CDIN1: variants seen among roughly 807,000 people sequenced by gnomAD.
CDIN1 encodes the protein CDAN1 interacting nuclease 1, also known as CDAN1-interacting nuclease 1.
A neutral mutation model predicts 45.3 loss-of-function variants in CDIN1; 33 were observed. That is an observed-to-expected ratio of 0.73 (90% CI 0.55 to 0.97). CDIN1 has a LOEUF of 0.97. Among genes scored for constraint, CDIN1 ranks in the 50% least tolerant of loss-of-function variants. The pLI, the probability that CDIN1 is intolerant of heterozygous loss-of-function variation, is 0.00. For missense variants in CDIN1, 303 were observed against 339.4 expected (o/e 0.89, Z 0.84); for synonymous variants, 118 against 124.4 (o/e 0.95, Z 0.34).
intron 10 of CDIN1, among the ~76,000 whole-genome samples, chr15:36,774,503 A>T (rs1336154015): frequency 6.6e-6 from 1 of 152,168 alleles, no homozygotes; most frequent in Non-Finnish European, 1.5e-5. Context: ...AAAAAAAAAA[A>T]AGTTTTTCTC....
intron 1 of CDIN1, among the ~76,000 whole-genome samples, chr15:36,598,244 C>T (rs368290101): frequency 8.5e-5 from 13 of 152,186 alleles, no homozygotes; most frequent in South Asian, 2.1e-4. Context: ...CACCCACCTC[C>T]GCCTCCCAAA....
chr15:36,745,567 T>C (rs1196332337), intron 10 of CDIN1, among the ~76,000 whole-genome samples: 4 of 152,216 alleles, frequency 2.6e-5, no homozygotes, highest in African/African-American at 7.2e-5. Context: ...ATTATTGATA[T>C]TGATTTTAGG....
intron 10 of CDIN1, among the ~76,000 whole-genome samples, chr15:36,716,345 C>T (rs943875421): frequency 6.6e-6 from 1 of 151,960 alleles, no homozygotes; most frequent in Non-Finnish European, 1.5e-5. Context: ...ATTGAGTGGC[C>T]GTTCTAGGAA....
chr15:36,775,853 T>C (rs946576077), intron 10 of CDIN1, among the ~76,000 whole-genome samples: 1 of 152,258 alleles, frequency 6.6e-6, no homozygotes, highest in Non-Finnish European at 1.5e-5. Flanking sequence ...AGAATTTTTC[T>C]TTGGTTTCTA....
intron 5 of CDIN1, among the ~76,000 whole-genome samples, chr15:36,659,595 C>T (rs998292028): frequency 4.7e-5 from 7 of 149,872 alleles, no homozygotes; most frequent in African/African-American, 1.7e-4. Flanking sequence ...ATGGTTGTTT[C>T]ACTGTGAGTT....
intron 1 of CDIN1, among the ~76,000 whole-genome samples, chr15:36,608,682 T>TACAGA (rs1234909901): frequency 3.3e-5 from 5 of 152,124 alleles, no homozygotes; most frequent in African/African-American, 1.2e-4. Context: ...AGAAGGAAGG[T>TACAGA]ACAGAAGATA....
chr15:36,604,418 T>TACACACACACACAC (rs144533313), intron 1 of CDIN1, among the ~76,000 whole-genome samples: 18,845 of 128,464 alleles, frequency 0.15, 1,766 homozygotes, highest in South Asian at 0.22. Context: ...TTTTAAAAGG[T>TACACACACACACAC]ACACACACAC....
At chr15:36,783,680 G>C (rs903718197) in intron 10 of CDIN1, among the ~76,000 whole-genome samples, 2 of 152,128 alleles carry the variant, frequency 1.3e-5, no homozygotes, top group Non-Finnish European at 2.9e-5. Flanking sequence ...CACGGGAAAC[G>C]TAAGTTGGAA....
chr15:36,759,233 T>G (rs2140992668), intron 10 of CDIN1, among the ~76,000 whole-genome samples: 1 of 152,176 alleles, frequency 6.6e-6, no homozygotes, highest in East Asian at 1.9e-4. Context: ...CGCCTCTTCT[T>G]GTCTGTGCTC....
chr15:36,660,133 G>A (rs1438787227), intron 5 of CDIN1, among the ~76,000 whole-genome samples: 2 of 151,936 alleles, frequency 1.3e-5, no homozygotes, highest in Non-Finnish European at 2.9e-5. Context: ...TTAGAGTTTT[G>A]TAATGTGTTT....
At chr15:36,594,051 T>G (rs1414831835) in intron 1 of CDIN1, among the ~76,000 whole-genome samples, 1 of 152,170 alleles carries the variant, frequency 6.6e-6, no homozygotes, top group Non-Finnish European at 1.5e-5. Flanking sequence ...TTCTTTTAAT[T>G]TATCTTATTT....
At chr15:36,710,004 C>G (rs752423374) in intron 10 of CDIN1, 43 bp downstream of exon 10, 1 of 1,399,500 alleles carries the variant, frequency 7.1e-7, no homozygotes, top group Non-Finnish European at 9.8e-7. Context: ...CGATACTCAG[C>G]TGAAATCTCA....
At chr15:36,651,717 C>G (rs977842059) in intron 3 of CDIN1, among the ~76,000 whole-genome samples, 2 of 152,076 alleles carry the variant, frequency 1.3e-5, no homozygotes, top group African/African-American at 2.4e-5. Context: ...TGTTTACCAG[C>G]TAAGAGAGCC....
intron 1 of CDIN1, among the ~76,000 whole-genome samples, chr15:36,636,465 T>C (rs2039901660): frequency 6.6e-6 from 1 of 152,062 alleles, no homozygotes; most frequent in South Asian, 2.1e-4. Flanking sequence ...GGCAGGAGAA[T>C]GTCATGAACC....
At chr15:36,696,083 G>A in intron 7 of CDIN1, among the ~76,000 whole-genome samples, 1 of 152,066 alleles carries the variant, frequency 6.6e-6, no homozygotes, top group East Asian at 1.9e-4. Context: ...GCCCTGTGCA[G>A]GTTCCTTCTA....
intron 1 of CDIN1, among the ~76,000 whole-genome samples, chr15:36,636,216 T>C (rs1385489316): frequency 6.6e-6 from 1 of 152,168 alleles, no homozygotes; most frequent in African/African-American, 2.4e-5. Context: ...AATTTGACTG[T>C]TACCTGACAT....
At chr15:36,777,992 G>A (rs1008876824) in intron 10 of CDIN1, among the ~76,000 whole-genome samples, 9 of 152,258 alleles carry the variant, frequency 5.9e-5, no homozygotes, top group Admixed American at 3.9e-4. Flanking sequence ...TGAAATGCTT[G>A]GGTGATCCCT....
intron 1 of CDIN1, among the ~76,000 whole-genome samples, chr15:36,622,418 T>C (rs1379030933): frequency 1.3e-5 from 2 of 152,166 alleles, no homozygotes; most frequent in Non-Finnish European, 2.9e-5. Flanking sequence ...GAGGCAGTGT[T>C]CATAGAAGTA....
At chr15:36,798,591 G>A (rs118076664) in intron 10 of CDIN1, 4,170 of 152,222 alleles carry the variant, frequency 0.027, 73 homozygotes, top group Non-Finnish European at 0.044. Context: ...TGACTTTGCC[G>A]AGGATGAAAT....
Sources: allele counts gnomAD v4.1 joint callset (sites outside exome capture counted in the v4.1 genomes callset), GRCh38; gene constraint gnomAD v4.1.1; transcripts MANE v1.5; gene names NCBI Gene and HGNC (gene_info 2026-07-23, HGNC 2026-07-21).